The following IQANK1 variants were observed in gnomAD, a reference collection of about 807,000 sequenced individuals.
The protein encoded by IQANK1 is IQ motif and ankyrin repeat domain-containing protein 1.
IQANK1 carries 30 observed loss-of-function variants against 22.6 expected under a neutral mutation model. The ratio of observed to expected loss-of-function variants is 1.33; its 90% CI spans 0.99 to 1.80. The LOEUF is 1.80. IQANK1 is among the 40% of genes most tolerant of loss of function. The pLI, the probability that IQANK1 is intolerant of heterozygous loss-of-function variation, is 0.00. For missense variants in IQANK1, 275 were observed against 235.2 expected, an observed-to-expected ratio of 1.17 and a Z score of -1.11; for synonymous variants, 122 against 99.6, an observed-to-expected ratio of 1.23 and a Z score of -1.34.
intron 3 of IQANK1, among the ~76,000 whole-genome samples, chr8:143,764,400 A>G (rs992605616): frequency 1.3e-5 from 2 of 150,572 alleles, no homozygotes; most frequent in Non-Finnish European, 2.9e-5. Flanking sequence ...GGATCACTTG[A>G]GCTCAGGAGT....
chr8:143,759,077 C>A, intron 3 of IQANK1: 2 of 286,106 alleles, frequency 7.0e-6, no homozygotes, highest in South Asian at 4.0e-5. Context: ...TGCATTTGGC[C>A]GGACATGACT....
chr8:143,760,871 C>G (rs1478859478), intron 3 of IQANK1, among the ~76,000 whole-genome samples: 3 of 152,180 alleles, frequency 2.0e-5, no homozygotes, highest in Non-Finnish European at 4.4e-5. Context: ...TCCCAGGAGC[C>G]GGTCATCGCC....
Position 143,735,282 on chromosome 8 carries a change from T to C in IQANK1, c.-4-568T>C, listed in dbSNP as rs1361598865. On this transcript the variant is annotated intron_variant, in intron 1 of 13. Transcript: ENST00000527139. The surrounding 1 kb of genome is among the most constrained non-coding windows in gnomAD (Gnocchi z 5.2). ...GGAGGAGCCTCCCAGGGAAATGAAC[T>C]TGGGGGTCAGCTGTGTGGACTAGGG... Among the ~76,000 whole-genome samples, 2 of 151,944 alleles carry C rather than the reference T, an allele frequency of 1.3e-5. No individual in the cohort carries two copies. The highest frequency in any genetic ancestry group is 6.6e-5 in the Admixed American group (1 of 15,266).
intron 3 of IQANK1, among the ~76,000 whole-genome samples, chr8:143,755,885 G>T (rs1819284398): frequency 6.6e-6 from 1 of 152,232 alleles, no homozygotes; most frequent in Non-Finnish European, 1.5e-5. Context: ...TCAGCATTCA[G>T]TGGTGGCAGC....
At chr8:143,776,267 G>A (rs1819681775) in intron 7 of IQANK1, among the ~76,000 whole-genome samples, 1 of 145,372 alleles carries the variant, frequency 6.9e-6, no homozygotes, top group Admixed American at 7.2e-5. Flanking sequence ...CTTGCAGTGA[G>A]CTGAGATGGC....
intron 7 of IQANK1, among the ~76,000 whole-genome samples, chr8:143,783,328 C>A (rs548556599): frequency 6.6e-6 from 1 of 152,182 alleles, no homozygotes; most frequent in Non-Finnish European, 1.5e-5. Flanking sequence ...CCTTGCATTT[C>A]CCTGCCAACT....
rs1423497967 is a variant in IQANK1 at position 143,758,830 on chromosome 8, G to C, written c.176-12658G>C. ...TGGAATTTCCAAGCTGCTTCACAGA[G>C]GCCAAAGATGACAACACGAGAGGTG... On this transcript the variant is annotated intron_variant, in intron 3 of 13. Coordinates refer to ENST00000527139, the MANE Select transcript of IQANK1 (RefSeq NM_001381874.1). The surrounding 1 kb of genome is among the most constrained non-coding windows in gnomAD (Gnocchi z 4.2). The C allele has an allele frequency of 6.5e-6, 1 of 154,272 alleles. No individual in the cohort carries two copies. The highest frequency in any genetic ancestry group is 1.4e-5 in the Non-Finnish European group (1 of 69,512). The allele number at this position is 154,272 out of a possible 1,614,324, so 9.6% of individuals were successfully genotyped here.
At position 143,749,591 on chromosome 8, in the gene IQANK1, A is replaced by T. The variant is rs1275885167; in HGVS notation, c.175+9643A>T. 4.0e-4 allele frequency among the ~76,000 whole-genome samples: 53 copies of T among 132,138 alleles called. No individual in the cohort carries two copies. In the Middle Eastern group the frequency reaches 0.012, roughly 30 times the overall value. 86.7% of individuals were successfully genotyped at this position (132,138 alleles called of 152,430 possible). On this transcript the variant is annotated intron_variant, in intron 3 of 13. Coordinates refer to ENST00000527139, the MANE Select transcript of IQANK1 (RefSeq NM_001381874.1). The stretch of plus-strand genomic sequence containing the variant: ...TCAATCATATATATATATTTTATTT[A>T]TTTATTTATTTTTTTTTTTTTTGAG...
intron 7 of IQANK1, among the ~76,000 whole-genome samples, chr8:143,776,048 G>A (rs1372607110): frequency 5.4e-5 from 8 of 147,326 alleles, no homozygotes; most frequent in East Asian, 3.9e-4. Context: ...GCGGCCGGGC[G>A]CGGCGGCTCA....
chr8:143,742,643 G>A (rs1385388628), intron 3 of IQANK1: 1 of 456,044 alleles, frequency 2.2e-6, no homozygotes, highest in Admixed American at 2.3e-5. Context: ...AAGAAGAATA[G>A]CCTCCACCAG....
At chr8:143,740,580 A>G (rs2129773595) in intron 3 of IQANK1, among the ~76,000 whole-genome samples, 1 of 152,152 alleles carries the variant, frequency 6.6e-6, no homozygotes, top group African/African-American at 2.4e-5. Context: ...TGCCTCACCC[A>G]CGGTTCCGCC....
At position 143,771,687 on chromosome 8, in the gene IQANK1, T is replaced by A. The variant is rs1819576924; in HGVS notation, c.306+69T>A. On this transcript the variant is annotated intron_variant, in intron 4 of 13. Coordinates refer to ENST00000527139, the MANE Select transcript of IQANK1 (RefSeq NM_001381874.1). The surrounding 1 kb of genome is among the most constrained non-coding windows in gnomAD (Gnocchi z 6.0). ...AGGGGGAGGAAATGGCGAAGCAGGG[T>A]GCGTGGTGGGGGTGAGGCTCAGATC... 1 of 396,460 alleles carries A rather than the reference T, an allele frequency of 2.5e-6. No homozygotes were observed. The highest frequency in any genetic ancestry group is 4.4e-6 in the Non-Finnish European group (1 of 225,670). 24.6% of individuals were successfully genotyped at this position (396,460 alleles called of 1,614,324 possible).
chr8:143,768,517 C>G (rs370970245), intron 3 of IQANK1, among the ~76,000 whole-genome samples: 1 of 152,182 alleles, frequency 6.6e-6, no homozygotes, highest in Non-Finnish European at 1.5e-5. Context: ...GGCGGACATA[C>G]GTCGGTGGCT....
chr8:143,773,867 G>T (rs12676951), intron 7 of IQANK1, among the ~76,000 whole-genome samples: 36,441 of 151,920 alleles, frequency 0.24, 4,738 homozygotes, highest in East Asian at 0.51. Flanking sequence ...GGGTGCTGGG[G>T]TGTCCAGCAG....
At chr8:143,783,919 G>C (rs1819840705) in intron 7 of IQANK1, among the ~76,000 whole-genome samples, 1 of 152,188 alleles carries the variant, frequency 6.6e-6, no homozygotes, top group South Asian at 2.1e-4. Flanking sequence ...TCGCTGTTCT[G>C]TTCCATAGGT....
chr8:143,737,886 C>T (rs1818785142), intron 2 of IQANK1, among the ~76,000 whole-genome samples: 1 of 152,234 alleles, frequency 6.6e-6, no homozygotes, highest in South Asian at 2.1e-4. Flanking sequence ...CACAGCTGGA[C>T]CTCATGGAGC....
Position 143,739,866 on chromosome 8 carries a change from C to A in IQANK1, c.93C>A (p.Pro31=). The A allele has an allele frequency of 1.4e-6, 1 of 694,184 alleles. No individual in the cohort carries two copies. Among genetic ancestry groups the A allele is most frequent in the Non-Finnish European group, 2.6e-6 (1 of 381,420 alleles). 43.0% of individuals were successfully genotyped at this position (694,184 alleles called of 1,614,324 possible). The part of the protein sequence containing the change: ...GPKTRAAAGK[P]GENRPPQRKA... ...ACGGTCGTTTTCCCTTAGGGAAGCC[C>A]GGGGAGAACCGCCCGCCGCAGAGGA... is the stretch of plus-strand genomic sequence containing the variant. The change falls in exon 3 of 14, where the codon CCC becomes CCA. Residue 31 remains proline (P), a synonymous_variant. Coordinates refer to ENST00000527139, the MANE Select transcript of IQANK1 (RefSeq NM_001381874.1).
intron 3 of IQANK1, among the ~76,000 whole-genome samples, chr8:143,740,254 G>C (rs1818869535): frequency 6.6e-6 from 1 of 151,988 alleles, no homozygotes; most frequent in African/African-American, 2.4e-5. Flanking sequence ...CCTCGCGGGG[G>C]TCGGGGCCGC....
chr8:143,742,054 C>T, intron 3 of IQANK1: 1 of 296,778 alleles, frequency 3.4e-6, no homozygotes, highest in Admixed American at 4.1e-5. Context: ...CCTGTCTGTG[C>T]CCTCGCTGCG....
Sources: gnomAD v4.1 joint callset for allele counts (sites outside exome capture counted in the v4.1 genomes callset) on GRCh38, gnomAD v4.1.1 for gene constraint, Gnocchi (gnomAD v3.1) non-coding constraint, MANE v1.5 for transcripts, NCBI Gene and HGNC (gene_info 2026-07-23, HGNC 2026-07-21) for gene names.